Variants in DNAAF5 observed in about 807,000 individuals in gnomAD.
DNAAF5 encodes HEAT repeat containing 2.
In DNAAF5, 64 loss-of-function variants were observed where a neutral mutation model predicts 75.8. The observed-to-expected ratio is 0.84, with a 90% CI of 0.69 to 1.04. The LOEUF is 1.04. DNAAF5 is among the 50% of genes least tolerant of loss of function. The probability of loss-of-function intolerance (pLI) is 0.00; values close to 1 mark genes in which losing one functional copy is unlikely to be tolerated. For synonymous variants in DNAAF5, 657 were observed against 557.2 expected (o/e 1.18, Z -2.52); for missense variants, 1,269 against 1,178.5 (o/e 1.08, Z -1.12).
At chr7:761,124 T>C (rs1782629749) in intron 6 of DNAAF5, among the ~76,000 whole-genome samples, 1 of 152,382 alleles carries the variant, frequency 6.6e-6, no homozygotes, top group South Asian at 2.1e-4. Flanking sequence ...CTCCACCACA[T>C]AGCTCAAGTG....
At chr7:774,898 G>C (rs547626916) in intron 10 of DNAAF5, 108 bp from the exon 11 acceptor site, 18 of 913,970 alleles carry the variant, frequency 2.0e-5, no homozygotes, top group Non-Finnish European at 3.1e-5. Context: ...TTTAGGTAAA[G>C]CTTTCAAGCC....
chr7:736,582 C>T lies in DNAAF5; in HGVS notation c.781-4237C>T, dbSNP rs76151186. Reference sequence around the variant, plus strand: ...TTTTTTCGCATCCCTTTATTTTCAGCCTACGTGTGCCTTTTTAGTGACGTG... The same window carrying T: ...TTTTTTCGCATCCCTTTATTTTCAGTCTACGTGTGCCTTTTTAGTGACGTG... On this transcript the variant is annotated intron_variant, in intron 2 of 12. Coordinates refer to ENST00000297440, the MANE Select transcript of DNAAF5 (RefSeq NM_017802.4). 7.1e-3 allele frequency among the ~76,000 whole-genome samples: 1,083 copies of T among 152,294 alleles called. 23 individuals are homozygous for T. The East Asian group carries it at 0.11, about 15-fold the overall frequency.
At chr7:770,887 A>T in intron 9 of DNAAF5, 1 of 402,442 alleles carries the variant, frequency 2.5e-6, no homozygotes, top group South Asian at 4.1e-5. Context: ...CCCCACACCA[A>T]GTCTGAGGTG....
rs1248821430 is a variant in DNAAF5, at chr7:773,998, T to C, written c.1932-50T>C. The C allele has an allele frequency of 1.9e-6, 3 of 1,610,708 alleles. No homozygotes were observed. The African/African-American group carries it at 4.0e-5, about 22-fold the overall frequency. ...TTCATCCCTAGTCTGAAACGTTTCT[T>C]CCGAGCACCTGTCCGGTCTCCTCAT... On this transcript the variant is annotated intron_variant, in intron 9 of 12. Transcript: ENST00000297440.
In DNAAF5 at chr7:727,175, C is replaced by T; in HGVS notation, c.455C>T (p.Ala152Val). The T allele has an allele frequency of 7.5e-7, 1 of 1,333,218 alleles. No individual in the cohort carries two copies. Among genetic ancestry groups the T allele is most frequent in the Non-Finnish European group, 9.6e-7 (1 of 1,037,322 alleles). 82.6% of individuals were successfully genotyped at this position (1,333,218 alleles called of 1,614,324 possible). ...GCGCTTGTGCAGCTGCTGGGCCTGG[C>T]CGTGGACCTGTGCGGCGCCGCGCTC... ...RLALVQLLGL[A>V]VDLCGAALAP... Residue 152 changes from alanine to valine, a missense_variant, in exon 1 of 13, where the codon GCC becomes GTC. By Grantham distance (64) the Ala-to-Val change is moderately conservative. Coordinates refer to ENST00000297440, the MANE Select transcript of DNAAF5 (RefSeq NM_017802.4).
intron 11 of DNAAF5, 114 bp downstream of exon 11, chr7:775,276 G>T (rs775836343): frequency 3.2e-5 from 31 of 964,340 alleles, no homozygotes; most frequent in South Asian, 1.1e-4. Context: ...ATCTCGGGCT[G>T]GGTGTGGTGG....
intron 11 of DNAAF5, among the ~76,000 whole-genome samples, chr7:779,254 T>G (rs1435523496): frequency 1.3e-5 from 2 of 151,976 alleles, no homozygotes; most frequent in African/African-American, 4.8e-5. Flanking sequence ...CAGCCGCCCC[T>G]CCCAGCGTCG....
At chr7:738,507 G>C (rs920703369) in intron 2 of DNAAF5, among the ~76,000 whole-genome samples, 1 of 151,920 alleles carries the variant, frequency 6.6e-6, no homozygotes, top group Non-Finnish European at 1.5e-5. Context: ...GGTATTTACT[G>C]TCATCTTTGC....
chr7:773,673 G>A (rs1778650469), intron 9 of DNAAF5, among the ~76,000 whole-genome samples: 1 of 152,160 alleles, frequency 6.6e-6, no homozygotes, highest in Admixed American at 6.5e-5. Context: ...GGGCTCACTG[G>A]GTGCTGCCGA....
chr7:743,556 G>GTTGCTGT (rs1781988384), intron 4 of DNAAF5, among the ~76,000 whole-genome samples: 1 of 57,820 alleles, frequency 1.7e-5, no homozygotes, highest in Non-Finnish European at 4.5e-5. Flanking sequence ...GCTGTACAGG[G>GTTGCTGT]AAAGCACACA....
At chr7:760,073 C>A (rs567322372) in intron 6 of DNAAF5, among the ~76,000 whole-genome samples, 875 of 11,292 alleles carry the variant, frequency 0.077, 12 homozygotes, top group Middle Eastern at 0.21. Context: ...GACGGGGCCG[C>A]GCGGCTCCTC....
At chr7:760,310 C>A (rs1782607594) in intron 6 of DNAAF5, among the ~76,000 whole-genome samples, 1 of 152,154 alleles carries the variant, frequency 6.6e-6, no homozygotes, top group Non-Finnish European at 1.5e-5. Flanking sequence ...CATTGTCTAG[C>A]CAAATAATTA....
At chr7:784,638 A>G (rs1238281459) in intron 12 of DNAAF5, among the ~76,000 whole-genome samples, 1 of 152,010 alleles carries the variant, frequency 6.6e-6, no homozygotes, top group Non-Finnish European at 1.5e-5. Flanking sequence ...ATCATCGGCC[A>G]CTGCTTCCCG....
chr7:770,816 C>T lies in DNAAF5; in HGVS notation c.1931+198C>T, dbSNP rs749340907. The T allele has an allele frequency of 1.3e-5, 7 of 545,290 alleles. 1 individual carries two copies. Among genetic ancestry groups the T allele is most frequent in the South Asian group, 5.2e-5 (2 of 38,628 alleles). The allele number at this position is 545,290 out of a possible 1,614,324, so 33.8% of individuals were successfully genotyped here. A position where few individuals can be genotyped will look rare whatever the true frequency, so the allele number is the denominator to read the frequency against. ...GGGTCCCCACCTCCCTCCCCCACGC[C>T]GAGTCTAAGGTGGGCCGGGGGTCCC... On this transcript the variant is annotated intron_variant, in intron 9 of 12. Transcript: ENST00000297440.
chr7:765,227 A>G (rs916088139), intron 8 of DNAAF5, among the ~76,000 whole-genome samples: 16 of 152,104 alleles, frequency 1.1e-4, no homozygotes, highest in African/African-American at 3.6e-4. Flanking sequence ...CAGCTCATCT[A>G]CCCTCACAGC....
chr7:745,325 A>C (rs1387232706), intron 4 of DNAAF5, among the ~76,000 whole-genome samples: 1 of 152,186 alleles, frequency 6.6e-6, no homozygotes, highest in African/African-American at 2.4e-5. Context: ...CCCGCTGTGC[A>C]CCGGAGAGGG....
In DNAAF5 at chr7:726,979, G is replaced by A; in HGVS notation, c.259G>A (p.Asp87Asn). 1 of 1,294,682 alleles carries A rather than the reference G, an allele frequency of 7.7e-7. No homozygotes were observed. The allele number at this position is 1,294,682 out of a possible 1,614,324, so 80.2% of individuals were successfully genotyped here. A position where few individuals can be genotyped will look rare whatever the true frequency, so the allele number is the denominator to read the frequency against. ...LLPRLLRCLSDPAEGCRALAV... is the reference protein window; with the variant it reads ...LLPRLLRCLSNPAEGCRALAV... ...GCCGCGCTTGCTGCGCTGCCTGAGC[G>A]ACCCCGCCGAGGGCTGCCGCGCGCT... Residue 87 changes from aspartate (D) to asparagine (N), a missense_variant, in exon 1 of 13, where the codon GAC becomes AAC. By Grantham distance (23) the Asp-to-Asn change is conservative (BLOSUM62 1). Transcript: ENST00000297440.
intron 9 of DNAAF5, 138 bp from the exon 10 acceptor site, chr7:773,910 G>A: frequency 3.2e-6 from 3 of 925,794 alleles, no homozygotes; most frequent in African/African-American, 1.6e-5. Context: ...CTCCTGAGAG[G>A]AGGAGGGGCC....
intron 2 of DNAAF5, among the ~76,000 whole-genome samples, chr7:730,450 G>C (rs1350737326): frequency 6.6e-6 from 1 of 152,192 alleles, no homozygotes; most frequent in Non-Finnish European, 1.5e-5. Flanking sequence ...TGAGTTACCT[G>C]TCATCGTAGT....
Sources: allele counts gnomAD v4.1 joint callset (sites outside exome capture counted in the v4.1 genomes callset), GRCh38; gene constraint gnomAD v4.1.1; transcripts MANE v1.5; gene names NCBI Gene and HGNC (gene_info 2026-07-23, HGNC 2026-07-21).